LGR5: variants seen among roughly 807,000 people sequenced by gnomAD.
LGR5 encodes the protein leucine-rich repeat-containing G protein-coupled receptor 5.
In LGR5, 54 loss-of-function variants were observed where a neutral mutation model predicts 76.7. The observed-to-expected ratio is 0.70, with a 90% CI of 0.57 to 0.88. The LOEUF (loss-of-function observed/expected upper bound fraction) is 0.88, where lower values mean the gene tolerates loss of function less well. LGR5 is among the 40% of genes least tolerant of loss of function. The pLI is 0.00. For synonymous variants in LGR5, 406 were observed against 421.9 expected (o/e 0.96, Z 0.46); for missense variants, 1,078 against 1,073.3 (o/e 1.00, Z -0.06).
intron 13 of LGR5, 115 bp downstream of exon 13, chr12:71,573,036 T>C: frequency 1.4e-6 from 1 of 695,288 alleles, no homozygotes; most frequent in Non-Finnish European, 2.4e-6. Flanking sequence ...TTTGTGCATA[T>C]ATTTGCTATG....
intron 3 of LGR5, 66 bp from the exon 4 acceptor site, chr12:71,535,049 G>A: frequency 9.2e-7 from 1 of 1,089,958 alleles, no homozygotes; most frequent in Non-Finnish European, 1.4e-6. Flanking sequence ...AACAGTGCCT[G>A]GCCTTGTTTA....
chr12:71,473,735 T>C (rs1873199483), intron 1 of LGR5, among the ~76,000 whole-genome samples: 1 of 152,092 alleles, frequency 6.6e-6, no homozygotes, highest in Admixed American at 6.5e-5. Context: ...GATTATTCAA[T>C]TTACCAGATT....
At chr12:71,530,971 ACCTGTT>A in intron 3 of LGR5, among the ~76,000 whole-genome samples, 1 of 145,536 alleles carries the variant, frequency 6.9e-6, no homozygotes, top group African/African-American at 2.6e-5. Context: ...CCTTCACTGT[ACCTGTT>A]CTTACTTAGT....
chr12:71,580,653 C>A (rs968671297), intron 16 of LGR5, among the ~76,000 whole-genome samples: 5 of 152,008 alleles, frequency 3.3e-5, no homozygotes. Context: ...AAAAAAGTAG[C>A]CAGGCATGGT....
At chr12:71,551,001 T>C (rs1356097990) in intron 4 of LGR5, among the ~76,000 whole-genome samples, 3 of 152,170 alleles carry the variant, frequency 2.0e-5, no homozygotes, top group Non-Finnish European at 2.9e-5. Flanking sequence ...GAAAGAGAGA[T>C]GGTGTTGAAT....
Position 71,466,672 on chromosome 12 carries a change from G to GGTT in LGR5, c.212+26380_212+26381insGTT, listed in dbSNP as rs530532020. 3.1e-3 allele frequency among the ~76,000 whole-genome samples: 453 copies of GGTT among 144,532 alleles called. 2 individuals carry two copies. The highest frequency in any genetic ancestry group is 0.011 in the African/African-American group (423 of 38,724). The allele number at this position is 144,532 out of a possible 152,430, so 94.8% of individuals were successfully genotyped here. ...GATAATAATTTCCTCTGTCTTCCAT[G>GGTT]TTTTTTTTTTTATGAGTAGTAGGTA... On this transcript the variant is annotated intron_variant, in intron 1 of 17. Transcript: ENST00000266674.
At chr12:71,550,825 A>G (rs1877445327) in intron 4 of LGR5, among the ~76,000 whole-genome samples, 2 of 152,196 alleles carry the variant, frequency 1.3e-5, no homozygotes, top group Admixed American at 1.3e-4. Context: ...CAACAAAAAC[A>G]TAGAAGCTCA....
At position 71,440,642 on chromosome 12, in the gene LGR5, C is replaced by A. The variant is rs1043353094; in HGVS notation, c.212+350C>A. 6.6e-6 allele frequency among the ~76,000 whole-genome samples: 1 copy of A among 152,170 alleles called. No homozygotes were observed. Among genetic ancestry groups the A allele is most frequent in the Non-Finnish European group, 1.5e-5 (1 of 68,020 alleles). On this transcript the variant is annotated intron_variant, in intron 1 of 17. Transcript: ENST00000266674. This position sits in a 1 kb window ranked among gnomAD's most constrained non-coding sequence, Gnocchi z 5.3. Reference sequence around the variant, plus strand: ...CATTTGTGACCCAGAGCCTGGTACCCAAAGGCAGGCTGCCATCTGGTCCCC... The same window carrying A: ...CATTTGTGACCCAGAGCCTGGTACCAAAAGGCAGGCTGCCATCTGGTCCCC...
intron 1 of LGR5, among the ~76,000 whole-genome samples, chr12:71,503,841 T>C (rs989009518): frequency 2.0e-5 from 3 of 152,180 alleles, no homozygotes; most frequent in African/African-American, 7.2e-5. Context: ...AGAGGGCATA[T>C]ACCCATGATG....
At chr12:71,448,252 A>G (rs1425754952) in intron 1 of LGR5, among the ~76,000 whole-genome samples, 1 of 152,162 alleles carries the variant, frequency 6.6e-6, no homozygotes, top group African/African-American at 2.4e-5. Flanking sequence ...GATTAAGTGG[A>G]GCAGAGACCT....
chr12:71,525,859 G>A lies in LGR5; in HGVS notation c.356+1382G>A, dbSNP rs190906476. On this transcript the variant is annotated intron_variant, in intron 3 of 17. Transcript: ENST00000266674. ...CATATAATTATAATTTTAAATCCTT[G>A]AATTCTTAAATATGAATTATACAAG... is the stretch of plus-strand genomic sequence containing the variant. Among the ~76,000 whole-genome samples the A allele has an allele frequency of 7.5e-3, 1,124 of 150,664 alleles. 5 individuals carry two copies. The highest frequency in any genetic ancestry group is 0.012 in the Non-Finnish European group (830 of 67,568).
chr12:71,583,455 C>T (rs560829561), intron 17 of LGR5, 192 bp from the exon 18 acceptor site: 19 of 626,014 alleles, frequency 3.0e-5, no homozygotes, highest in African/African-American at 2.7e-4. Flanking sequence ...GTGTACTCAC[C>T]CAGCCAGTGC....
chr12:71,505,211 A>G (rs1244973579), intron 2 of LGR5, among the ~76,000 whole-genome samples: 3 of 152,206 alleles, frequency 2.0e-5, no homozygotes, highest in Non-Finnish European at 4.4e-5. Context: ...AAAATGTGAA[A>G]TCCACAGAAG....
intron 11 of LGR5, among the ~76,000 whole-genome samples, chr12:71,568,810 C>T (rs1878469840): frequency 6.6e-6 from 1 of 152,158 alleles, no homozygotes; most frequent in African/African-American, 2.4e-5. Context: ...CCACTGAGTA[C>T]TTGTTACATG....
intron 1 of LGR5, among the ~76,000 whole-genome samples, chr12:71,451,961 T>G (rs1253795041): frequency 6.6e-6 from 1 of 152,128 alleles, no homozygotes; most frequent in Non-Finnish European, 1.5e-5. Flanking sequence ...TAGGTCAATA[T>G]TCTCCTGTTC....
Position 71,453,077 on chromosome 12 carries a change from T to A in LGR5, c.212+12785T>A, listed in dbSNP as rs1872314163. Among the ~76,000 whole-genome samples, 3 of 152,160 alleles carry A rather than the reference T, an allele frequency of 2.0e-5. No individual in the cohort carries two copies. The South Asian group carries it at 6.2e-4, about 31-fold the overall frequency. ...AGTGTAATTTTCATTAAACAAGATTTCTTAATGTTAAAAACAAGAAAAGAA... is the reference window on the plus strand; with the variant it reads ...AGTGTAATTTTCATTAAACAAGATTACTTAATGTTAAAAACAAGAAAAGAA... On this transcript the variant is annotated intron_variant, in intron 1 of 17. Coordinates refer to ENST00000266674, the MANE Select transcript of LGR5 (RefSeq NM_003667.4).
chr12:71,541,077 G>T (rs561689126), intron 4 of LGR5, among the ~76,000 whole-genome samples: 2 of 152,276 alleles, frequency 1.3e-5, no homozygotes, highest in South Asian at 4.1e-4. Context: ...ACAGTGAAGC[G>T]TTCACTTCAC....
intron 1 of LGR5, among the ~76,000 whole-genome samples, chr12:71,474,733 G>A (rs1339306866): frequency 6.6e-6 from 1 of 152,178 alleles, no homozygotes; most frequent in African/African-American, 2.4e-5. Context: ...TTTTAAGCTT[G>A]TAGGGCTTCT....
At chr12:71,527,162 G>A (rs562319739) in intron 3 of LGR5, among the ~76,000 whole-genome samples, 2 of 152,272 alleles carry the variant, frequency 1.3e-5, no homozygotes, top group Admixed American at 6.5e-5. Context: ...GAGAGTTCAA[G>A]AGGAACAAGA....
Sources: gnomAD v4.1 joint callset for allele counts (sites outside exome capture counted in the v4.1 genomes callset) on GRCh38, gnomAD v4.1.1 for gene constraint, Gnocchi (gnomAD v3.1) non-coding constraint, MANE v1.5 for transcripts, NCBI Gene and HGNC (gene_info 2026-07-23, HGNC 2026-07-21) for gene names.